CERT1: variants seen among roughly 807,000 people sequenced by gnomAD.
CERT1 encodes the protein ceramide transporter 1.
Under a neutral mutation model 87.9 loss-of-function variants are expected in CERT1, and 31 were observed. The observed-to-expected ratio is 0.35, with a 90% CI of 0.27 to 0.48. The LOEUF is 0.48. CERT1 is among the 20% of genes least tolerant of loss of function. CERT1 has a pLI of 0.99. For missense variants in CERT1, 487 were observed against 758.0 expected, an observed-to-expected ratio of 0.64 and a Z score of 4.20; for synonymous variants, 289 against 250.9, an observed-to-expected ratio of 1.15 and a Z score of -1.44.
intron 3 of CERT1, among the ~76,000 whole-genome samples, chr5:75,450,388 A>G (rs972572889): frequency 3.3e-5 from 5 of 152,202 alleles, no homozygotes; most frequent in African/African-American, 1.2e-4. Context: ...ACCTGACTCT[A>G]GTATAACAGC....
At chr5:75,447,165 G>A (rs568676323) in intron 3 of CERT1, among the ~76,000 whole-genome samples, 35 of 152,274 alleles carry the variant, frequency 2.3e-4, no homozygotes, top group African/African-American at 7.0e-4. Context: ...GAAATTAACC[G>A]AAATTAACAG....
At position 75,471,410 on chromosome 5, in the gene CERT1, C is replaced by G. The variant is rs140511896; in HGVS notation, c.232-12229G>C. On this transcript the variant is annotated intron_variant, in intron 2 of 16. Transcript: ENST00000643780. The stretch of plus-strand genomic sequence containing the variant: ...TGTGGTCTTATGATGGCTACAACAT[C>G]ATTAGGTGATAGATAATCTTCAGCC... 2.5e-3 allele frequency among the ~76,000 whole-genome samples: 375 copies of G among 152,216 alleles called. 2 individuals are homozygous for G. Among genetic ancestry groups the G allele is most frequent in the Non-Finnish European group, 4.5e-3 (308 of 68,010 alleles).
At chr5:75,502,908 T>C (rs1767448098) in intron 2 of CERT1, among the ~76,000 whole-genome samples, 1 of 152,084 alleles carries the variant, frequency 6.6e-6, no homozygotes, top group South Asian at 2.1e-4. Flanking sequence ...CAAGCTATAA[T>C]AACTGAAGAA....
intron 11 of CERT1, among the ~76,000 whole-genome samples, chr5:75,397,162 C>T (rs568875813): frequency 2.0e-5 from 3 of 152,260 alleles, no homozygotes; most frequent in African/African-American, 7.2e-5. Context: ...TGCTAGAGTC[C>T]ACGTCTGCTA....
At chr5:75,397,279 A>T (rs1452017187) in intron 11 of CERT1, among the ~76,000 whole-genome samples, 1 of 152,174 alleles carries the variant, frequency 6.6e-6, no homozygotes, top group African/African-American at 2.4e-5. Flanking sequence ...ATCAAAGGCT[A>T]AAACAGGATC....
chr5:75,443,622 A>G (rs903000575), intron 3 of CERT1, among the ~76,000 whole-genome samples: 2 of 152,212 alleles, frequency 1.3e-5, no homozygotes, highest in Admixed American at 6.5e-5. Flanking sequence ...TCCCATGTGT[A>G]CTTGAGAAAA....
At chr5:75,432,187 G>A (rs1239997338) in intron 3 of CERT1, among the ~76,000 whole-genome samples, 3 of 152,046 alleles carry the variant, frequency 2.0e-5, no homozygotes, top group Admixed American at 6.6e-5. Context: ...GAATAGCTGG[G>A]ACTACAGGCG....
intron 3 of CERT1, among the ~76,000 whole-genome samples, chr5:75,441,326 T>C (rs1764311707): frequency 6.6e-6 from 1 of 152,192 alleles, no homozygotes; most frequent in Non-Finnish European, 1.5e-5. Context: ...CATCTATACA[T>C]AAGTTCACTC....
chr5:75,441,517 T>G (rs1764321559), intron 3 of CERT1, among the ~76,000 whole-genome samples: 1 of 152,148 alleles, frequency 6.6e-6, no homozygotes, highest in African/African-American at 2.4e-5. Context: ...ACAATTAATC[T>G]CCAAAACTTT....
At chr5:75,443,664 G>A (rs1366886997) in intron 3 of CERT1, among the ~76,000 whole-genome samples, 1 of 152,168 alleles carries the variant, frequency 6.6e-6, no homozygotes, top group African/African-American at 2.4e-5. Flanking sequence ...ACAGTGTTCT[G>A]TATATGTCTT....
intron 2 of CERT1, among the ~76,000 whole-genome samples, chr5:75,483,634 G>C (rs949761004): frequency 6.6e-6 from 1 of 152,036 alleles, no homozygotes; most frequent in Admixed American, 6.6e-5. Flanking sequence ...ATACAATGGA[G>C]CTCCAATACA....
intron 2 of CERT1, among the ~76,000 whole-genome samples, chr5:75,477,868 T>A (rs1411732280): frequency 6.6e-6 from 1 of 152,106 alleles, no homozygotes. Flanking sequence ...TTTCCATAAA[T>A]GATACATAAT....
intron 2 of CERT1, among the ~76,000 whole-genome samples, chr5:75,473,866 A>T (rs904837677): frequency 9.9e-5 from 15 of 152,218 alleles, no homozygotes; most frequent in Admixed American, 9.2e-4. Context: ...TTTTAAAATT[A>T]ATTTTTTTAA....
chr5:75,377,568 G>A (rs1484436400), downstream of CERT1: 2 of 152,188 alleles, frequency 1.3e-5, no homozygotes, highest in South Asian at 2.1e-4. Context: ...AAATATGTGA[G>A]ACCTTCAAGA....
At chr5:75,489,551 G>GA (rs1266191230) in intron 2 of CERT1, among the ~76,000 whole-genome samples, 24 of 151,378 alleles carry the variant, frequency 1.6e-4, no homozygotes, top group Non-Finnish European at 2.7e-4. Context: ...AGATTTATAA[G>GA]AAAAAAAATC....
At chr5:75,391,245 G>A (rs1762019572) in intron 11 of CERT1, among the ~76,000 whole-genome samples, 1 of 152,106 alleles carries the variant, frequency 6.6e-6, no homozygotes, top group Admixed American at 6.6e-5. Flanking sequence ...AACTCACTCT[G>A]GGAATATAAT....
intron 6 of CERT1, among the ~76,000 whole-genome samples, chr5:75,417,853 A>G (rs1284427107): frequency 1.3e-5 from 2 of 152,202 alleles, no homozygotes; most frequent in African/African-American, 4.8e-5. Flanking sequence ...AGTAACCTCA[A>G]AGCTCATTAA....
chr5:75,395,080 G>C (rs188287749), intron 11 of CERT1, among the ~76,000 whole-genome samples: 34 of 152,326 alleles, frequency 2.2e-4, no homozygotes, highest in Middle Eastern at 3.4e-3. Flanking sequence ...GGGTGGGAAA[G>C]AGCCTCACAC....
intron 2 of CERT1, among the ~76,000 whole-genome samples, chr5:75,491,499 T>A (rs75922028): frequency 6.6e-6 from 1 of 152,114 alleles, no homozygotes; most frequent in Non-Finnish European, 1.5e-5. Flanking sequence ...GTTAGTTTTT[T>A]GCACTGAAAA....
Sources: allele counts gnomAD v4.1 joint callset (sites outside exome capture counted in the v4.1 genomes callset), GRCh38; gene constraint gnomAD v4.1.1; transcripts MANE v1.5; gene names NCBI Gene and HGNC (gene_info 2026-07-23, HGNC 2026-07-21).